SMAD9: variants seen among roughly 807,000 people sequenced by gnomAD.
SMAD9 encodes SMAD family member 9, also known as MAD homolog 9.
Under a neutral mutation model 46.1 loss-of-function variants are expected in SMAD9, and 36 were observed. The observed-to-expected ratio is 0.78, with a 90% confidence interval of 0.60 to 1.03. The LOEUF (loss-of-function observed/expected upper bound fraction) is 1.03. Among genes scored for constraint, SMAD9 ranks in the 50% least tolerant of loss-of-function variants. The pLI is 0.00. For missense variants in SMAD9, 572 were observed against 599.8 expected, an observed-to-expected ratio of 0.95 and a Z score of 0.48; for synonymous variants, 245 against 237.1, an observed-to-expected ratio of 1.03 and a Z score of -0.31.
intron 1 of SMAD9, among the ~76,000 whole-genome samples, chr13:36,881,884 T>C (rs1360182822): frequency 6.6e-6 from 1 of 152,220 alleles, no homozygotes; most frequent in East Asian, 1.9e-4. Context: ...GAATTCTGCT[T>C]AGTTTTACAT....
rs181864596 is a variant in SMAD9 at position 36,886,691 on chromosome 13, T to C, written c.-186-6816A>G. 4.2e-3 allele frequency among the ~76,000 whole-genome samples: 633 copies of C among 152,342 alleles called. 1 individual carries two copies. Among genetic ancestry groups the C allele is most frequent in the Non-Finnish European group, 5.9e-3 (401 of 68,036 alleles). ...GAAACATGTAAATATTAACAAGCCA[T>C]GAAATCTTATGCAGGAACAAACATG... On this transcript the variant is annotated intron_variant, in intron 1 of 6. Transcript: ENST00000379826.
chr13:36,876,682 A>G (rs985281909), intron 2 of SMAD9, among the ~76,000 whole-genome samples: 1 of 152,216 alleles, frequency 6.6e-6, no homozygotes, highest in African/African-American at 2.4e-5. Context: ...CACTGAAGTC[A>G]ATTATTGAAG....
chr13:36,896,109 GTATTTATTTATTTATT>G (rs57024507), intron 1 of SMAD9, among the ~76,000 whole-genome samples: 40 of 148,520 alleles, frequency 2.7e-4, no homozygotes, highest in East Asian at 5.9e-4. Context: ...ATCCTGTTGA[GTATTTATTTATTTATT>G]TATTTATTTA....
At chr13:36,885,043 C>T (rs962551169) in intron 1 of SMAD9, among the ~76,000 whole-genome samples, 6 of 152,106 alleles carry the variant, frequency 3.9e-5, no homozygotes, top group East Asian at 1.9e-4. Flanking sequence ...AATTTTGACC[C>T]GCTAATCCAT....
chr13:36,903,908 T>G (rs1026851140), intron 1 of SMAD9, among the ~76,000 whole-genome samples: 9 of 152,142 alleles, frequency 5.9e-5, no homozygotes, highest in African/African-American at 1.9e-4. Flanking sequence ...GCACACGTGA[T>G]AAAGCTTAAG....
chr13:36,913,926 C>G (rs2058679709), intron 1 of SMAD9, among the ~76,000 whole-genome samples: 1 of 152,142 alleles, frequency 6.6e-6, no homozygotes, highest in South Asian at 2.1e-4. Flanking sequence ...ATAATAATCA[C>G]CCATATCATC....
rs375180795 is a variant in SMAD9 at position 36,892,912 on chromosome 13, TG to T, written c.-186-13038del. ...CACTGGCACTTTTTTGGGCCAGAAA[TG>T]TTTAGTTATAAAATTAGAACATAGG... On this transcript the variant is annotated intron_variant, in intron 1 of 6. Transcript: ENST00000379826. Among the ~76,000 whole-genome samples, 301 of 152,322 alleles carry T rather than the reference TG, an allele frequency of 2.0e-3. 2 individuals carry two copies. Among genetic ancestry groups the T allele is most frequent in the African/African-American group, 6.6e-3 (273 of 41,592 alleles).
rs185115194 is a variant in SMAD9, at chr13:36,887,202, A to T, written c.-186-7327T>A. On this transcript the variant is annotated intron_variant, in intron 1 of 6. Coordinates refer to ENST00000379826, the MANE Select transcript of SMAD9 (RefSeq NM_001127217.3). The stretch of plus-strand genomic sequence containing the variant: ...GTTTGAAAAGCAAAGAAGTTAAATG[A>T]TCTGACTAGATCTTTTTTTTTTTTT... 3.7e-3 allele frequency among the ~76,000 whole-genome samples: 507 copies of T among 137,986 alleles called. 3 individuals carry two copies. Among genetic ancestry groups the T allele is most frequent in the Non-Finnish European group, 5.0e-3 (326 of 64,662 alleles). The allele number at this position is 137,986 out of a possible 152,430, so 90.5% of individuals were successfully genotyped here.
Position 36,879,625 on chromosome 13 carries a change from A to G in SMAD9, c.65T>C (p.Leu22Pro), listed in dbSNP as rs111748421. 2,455 of 1,614,152 alleles carry G rather than the reference A, an allele frequency of 1.5e-3. 5 individuals carry two copies. The highest frequency in any genetic ancestry group is 1.8e-3 in the Non-Finnish European group (2,139 of 1,180,018). The part of the protein sequence containing the change: ...SFTSPAVKRL[L>P]GWKQGDEEEK... ...CTCTTCATCTCCTTGCTTCCAGCCT[A>G]GCAGTCTCTTCACTGCGGGGCTGGT... is the stretch of plus-strand genomic sequence containing the variant. The change falls in exon 2 of 7, where the codon CTA becomes CCA. Residue 22 changes from leucine (L) to proline (P), a missense_variant. Physicochemically the swap from Leu to Pro is moderately conservative, Grantham distance 98. Coordinates refer to ENST00000379826, the MANE Select transcript of SMAD9 (RefSeq NM_001127217.3).
At chr13:36,915,390 G>T (rs953892769) in intron 1 of SMAD9, among the ~76,000 whole-genome samples, 1 of 152,102 alleles carries the variant, frequency 6.6e-6, no homozygotes, top group African/African-American at 2.4e-5. Flanking sequence ...CGGGACTGAG[G>T]AGTACATGTT....
chr13:36,915,992 T>C (rs1479423676), intron 1 of SMAD9, among the ~76,000 whole-genome samples: 2 of 152,194 alleles, frequency 1.3e-5, no homozygotes, highest in Non-Finnish European at 2.9e-5. Context: ...GAACATGATA[T>C]ATTTTAAAAT....
chr13:36,902,746 G>A lies in SMAD9; in HGVS notation c.-187+17370C>T, dbSNP rs77255937. ...GTTGGGATTACAGGCGTGAGCCACC[G>A]CACCCAGCCTTGCTCTTCTTTTTCA... On this transcript the variant is annotated intron_variant, in intron 1 of 6. Transcript: ENST00000379826. Among the ~76,000 whole-genome samples, 22 of 152,118 alleles carry A rather than the reference G, an allele frequency of 1.4e-4. No homozygotes were observed. The East Asian group carries it at 3.9e-3, about 27-fold the overall frequency.
intron 4 of SMAD9, among the ~76,000 whole-genome samples, chr13:36,866,336 G>A (rs2058234002): frequency 6.7e-6 from 1 of 148,168 alleles, no homozygotes; most frequent in Non-Finnish European, 1.5e-5. Context: ...TGGATATCTA[G>A]TTATGCATGG....
intron 1 of SMAD9, among the ~76,000 whole-genome samples, chr13:36,895,302 T>C (rs932089425): frequency 6.6e-6 from 1 of 152,196 alleles, no homozygotes; most frequent in African/African-American, 2.4e-5. Context: ...TACTAAAACA[T>C]GAGCTCACTT....
At chr13:36,884,469 G>A (rs1180579017) in intron 1 of SMAD9, among the ~76,000 whole-genome samples, 1 of 151,954 alleles carries the variant, frequency 6.6e-6, no homozygotes, top group Non-Finnish European at 1.5e-5. Flanking sequence ...TCTTTTTCTG[G>A]CATTGAGTTT....
At chr13:36,896,941 G>C (rs2058533445) in intron 1 of SMAD9, among the ~76,000 whole-genome samples, 1 of 151,382 alleles carries the variant, frequency 6.6e-6, no homozygotes, top group African/African-American at 2.4e-5. Context: ...AGTTGCATTT[G>C]AACTTTACTT....
chr13:36,901,111 T>C (rs1431073713), intron 1 of SMAD9, among the ~76,000 whole-genome samples: 1 of 152,232 alleles, frequency 6.6e-6, no homozygotes, highest in Non-Finnish European at 1.5e-5. Context: ...CTTTAGGTTA[T>C]TGTGAATAGT....
intron 2 of SMAD9, among the ~76,000 whole-genome samples, chr13:36,875,468 T>C (rs9531990): frequency 0.17 from 26,259 of 152,186 alleles, 2,723 homozygotes; most frequent in Non-Finnish European, 0.23. Context: ...GTATGCTGCC[T>C]TATGACACCA....
At chr13:36,892,617 T>C (rs1417286795) in intron 1 of SMAD9, among the ~76,000 whole-genome samples, 1 of 152,104 alleles carries the variant, frequency 6.6e-6, no homozygotes, top group African/African-American at 2.4e-5. Context: ...CTTCTGAGAG[T>C]GAAATGGATC....
Sources: gnomAD v4.1 joint callset for allele counts (sites outside exome capture counted in the v4.1 genomes callset) on GRCh38, gnomAD v4.1.1 for gene constraint, MANE v1.5 for transcripts, NCBI Gene and HGNC (gene_info 2026-07-23, HGNC 2026-07-21) for gene names.